Variants in THSD7B observed in about 807,000 individuals in gnomAD.
The protein encoded by THSD7B is thrombospondin type 1 domain containing 7B.
A neutral mutation model predicts 213.6 loss-of-function variants in THSD7B; 138 were observed. That is an observed-to-expected ratio of 0.65 (90% confidence interval 0.56 to 0.74). The LOEUF is 0.74. Ranked by LOEUF, THSD7B falls within the 30% of genes least tolerant of loss-of-function variation. The pLI, the probability that THSD7B is intolerant of heterozygous loss-of-function variation, is 0.00. For synonymous variants in THSD7B, 742 were observed against 687.0 expected, an observed-to-expected ratio of 1.08 and a Z score of -1.25; for missense variants, 1,931 against 1,991.5, an observed-to-expected ratio of 0.97 and a Z score of 0.58.
intron 2 of THSD7B, among the ~76,000 whole-genome samples, chr2:136,948,285 A>T (rs1189166239): frequency 6.6e-6 from 1 of 152,160 alleles, no homozygotes; most frequent in African/African-American, 2.4e-5. Flanking sequence ...TGTCTATGGA[A>T]AAATTGAGAT....
At chr2:137,227,997 A>G (rs1681548662) in intron 7 of THSD7B, among the ~76,000 whole-genome samples, 1 of 152,194 alleles carries the variant, frequency 6.6e-6, no homozygotes, top group African/African-American at 2.4e-5. Flanking sequence ...GGTAAACATC[A>G]TTATTTGATT....
intron 17 of THSD7B, among the ~76,000 whole-genome samples, chr2:137,578,563 A>G (rs933631165): frequency 2.0e-5 from 3 of 152,216 alleles, no homozygotes; most frequent in Admixed American, 2.0e-4. Context: ...TTCCCTAATG[A>G]AATTTAAAGA....
intron 1 of THSD7B, among the ~76,000 whole-genome samples, chr2:136,837,966 T>A (rs1682869343): frequency 6.6e-6 from 1 of 152,210 alleles, no homozygotes. Flanking sequence ...GCTGTCTAGT[T>A]ACTAACTTTG....
intron 2 of THSD7B, among the ~76,000 whole-genome samples, chr2:136,932,391 T>A (rs558509571): frequency 1.3e-5 from 2 of 152,306 alleles, no homozygotes; most frequent in African/African-American, 4.8e-5. Context: ...AAAATACAGT[T>A]CACCCTTGAA....
chr2:137,349,373 G>GATT (rs1427432509), intron 12 of THSD7B, among the ~76,000 whole-genome samples: 1 of 151,864 alleles, frequency 6.6e-6, no homozygotes, highest in East Asian at 1.9e-4. Flanking sequence ...CATTCCAGCT[G>GATT]ATTAAAGCCA....
At chr2:137,269,221 T>G (rs571492544) in intron 10 of THSD7B, among the ~76,000 whole-genome samples, 4 of 152,360 alleles carry the variant, frequency 2.6e-5, no homozygotes, top group Admixed American at 2.6e-4. Context: ...ACTTTGATAC[T>G]AAATGTTGAT....
intron 7 of THSD7B, among the ~76,000 whole-genome samples, chr2:137,180,213 A>C (rs1433984103): frequency 6.6e-6 from 1 of 152,148 alleles, no homozygotes; most frequent in Non-Finnish European, 1.5e-5. Flanking sequence ...GAAAGATACT[A>C]TGGGTCCTGG....
chr2:136,929,068 CG>C (rs1488078892), intron 2 of THSD7B, among the ~76,000 whole-genome samples: 3 of 152,076 alleles, frequency 2.0e-5, no homozygotes, highest in Admixed American at 6.6e-5. Flanking sequence ...ACATGAAAAA[CG>C]TAACAGATTG....
At chr2:137,097,560 G>T (rs975087990) in intron 4 of THSD7B, among the ~76,000 whole-genome samples, 18 of 151,972 alleles carry the variant, frequency 1.2e-4, no homozygotes, top group Non-Finnish European at 1.9e-4. Context: ...TAAGATAAGG[G>T]TATACCTACT....
At chr2:137,048,263 AT>A (rs941161584) in intron 2 of THSD7B, among the ~76,000 whole-genome samples, 4 of 152,248 alleles carry the variant, frequency 2.6e-5, no homozygotes, top group Middle Eastern at 6.8e-3. Context: ...TATTTCTCAG[AT>A]TTTTTTTAAA....
chr2:137,072,702 C>G (rs1158246236), intron 3 of THSD7B, among the ~76,000 whole-genome samples: 2 of 152,168 alleles, frequency 1.3e-5, no homozygotes. Flanking sequence ...GGGAATGCTT[C>G]CAGTTTTTGC....
chr2:137,029,299 G>A (rs1395790481), intron 2 of THSD7B, among the ~76,000 whole-genome samples: 4 of 151,826 alleles, frequency 2.6e-5, no homozygotes, highest in Admixed American at 1.3e-4. Flanking sequence ...GGCTGGTCTC[G>A]AACTCCTGAC....
rs768400971 is a variant in THSD7B, at chr2:137,231,052, G to A, written c.1732G>A (p.Val578Ile). The change falls in exon 8 of 28, where the codon GTA becomes ATA. Residue 578 changes from valine to isoleucine, a missense_variant. Transcript: ENST00000409968. ...AVCQNDRGED[V>I]SGSLCPVPPP... ...GATCTTGTTGATTGTAGGAGAAGAT[G>A]TATCAGGGAGTCTTTGCCCAGTTCC... The A allele has an allele frequency of 3.7e-6, 6 of 1,613,014 alleles. No homozygotes were observed. The highest frequency in any genetic ancestry group is 1.3e-5 in the African/African-American group (1 of 74,888).
At chr2:137,045,515 C>A (rs1480106459) in intron 2 of THSD7B, among the ~76,000 whole-genome samples, 1 of 152,148 alleles carries the variant, frequency 6.6e-6, no homozygotes, top group Non-Finnish European at 1.5e-5. Context: ...TTGCTTATCT[C>A]TGGAATTTTC....
chr2:137,082,836 C>A (rs943140785), intron 3 of THSD7B, among the ~76,000 whole-genome samples: 6 of 151,502 alleles, frequency 4.0e-5, no homozygotes, highest in Non-Finnish European at 7.4e-5. Context: ...CATTTTAAAT[C>A]TCTGTTGAAT....
intron 15 of THSD7B, among the ~76,000 whole-genome samples, chr2:137,501,516 T>C (rs1464836777): frequency 6.6e-6 from 1 of 152,180 alleles, no homozygotes; most frequent in Non-Finnish European, 1.5e-5. Context: ...TACTATGACA[T>C]ATTATGAAAA....
chr2:136,886,250 G>C (rs773281873), intron 2 of THSD7B, among the ~76,000 whole-genome samples: 8 of 152,102 alleles, frequency 5.3e-5, no homozygotes, highest in Non-Finnish European at 1.2e-4. Flanking sequence ...GGAGGGTTTT[G>C]AGAGGGTGGT....
chr2:137,171,311 T>C (rs1007870429), intron 7 of THSD7B, among the ~76,000 whole-genome samples: 9 of 152,180 alleles, frequency 5.9e-5, no homozygotes, highest in African/African-American at 2.2e-4. Flanking sequence ...ACAAATGTCA[T>C]CTTGTTAAGA....
chr2:137,352,817 G>GA (rs1462343075), intron 12 of THSD7B, among the ~76,000 whole-genome samples: 3 of 151,908 alleles, frequency 2.0e-5, no homozygotes, highest in Admixed American at 2.0e-4. Flanking sequence ...AATGTATTGA[G>GA]AAAAAATAAA....
Sources: allele counts gnomAD v4.1 joint callset (sites outside exome capture counted in the v4.1 genomes callset), GRCh38; gene constraint gnomAD v4.1.1; transcripts MANE v1.5; gene names NCBI Gene and HGNC (gene_info 2026-07-23, HGNC 2026-07-21).